ACACB: variants seen among roughly 807,000 people sequenced by gnomAD.
The protein encoded by ACACB is acetyl-CoA carboxylase 2.
ACACB carries 209 observed loss-of-function variants against 278.8 expected under a neutral mutation model. The observed-to-expected ratio is 0.75, with a 90% CI of 0.67 to 0.84. The LOEUF is 0.84. ACACB is among the 40% of genes least tolerant of loss of function. ACACB has a pLI of 0.00. For missense variants in ACACB, 2,850 were observed against 3,269.0 expected, an observed-to-expected ratio of 0.87 and a Z score of 3.13; for synonymous variants, 1,174 against 1,285.6, an observed-to-expected ratio of 0.91 and a Z score of 1.86.
rs756361518 is a variant in ACACB at position 109,241,051 on chromosome 12, A to C, written c.4819-27A>C. 1.9e-6 allele frequency: 3 copies of C among 1,608,980 alleles called. No homozygotes were observed. The African/African-American group carries it at 4.0e-5, about 21-fold the overall frequency. ...TGTCCTTGGGATGTCTTGGCCCTGA[A>C]ACTGGAATTGCTGTGTTTTGGGGCA... On this transcript the variant is annotated intron_variant, in intron 35 of 52. Transcript: ENST00000338432.
chr12:109,239,030 C>T (rs911729722), intron 34 of ACACB, among the ~76,000 whole-genome samples: 4 of 152,114 alleles, frequency 2.6e-5, no homozygotes, highest in African/African-American at 7.2e-5. Context: ...GATTCTCCTG[C>T]GTCAGCTTCC....
At chr12:109,243,153 A>G (rs1480739528) in intron 37 of ACACB, among the ~76,000 whole-genome samples, 2 of 152,184 alleles carry the variant, frequency 1.3e-5, no homozygotes, top group Non-Finnish European at 2.9e-5. Context: ...TCTGATGACA[A>G]ATTGCTTAAC....
At chr12:109,247,296 C>T (rs1484833678) in intron 39 of ACACB, among the ~76,000 whole-genome samples, 2 of 151,634 alleles carry the variant, frequency 1.3e-5, no homozygotes, top group African/African-American at 4.9e-5. Context: ...TAGTTTTTAA[C>T]ATATATACAT....
intron 16 of ACACB, 89 bp from the exon 17 acceptor site, chr12:109,196,919 A>G (rs1173883680): frequency 2.9e-6 from 4 of 1,397,708 alleles, no homozygotes; most frequent in African/African-American, 1.5e-5. Context: ...GTGGTGGACA[A>G]CCAGCTCTTG....
At chr12:109,248,182 A>T (rs1327166086) in intron 40 of ACACB, among the ~76,000 whole-genome samples, 1 of 152,176 alleles carries the variant, frequency 6.6e-6, no homozygotes, top group African/African-American at 2.4e-5. Context: ...GCTGGGGGGA[A>T]ATTCCATAGT....
intron 16 of ACACB, among the ~76,000 whole-genome samples, chr12:109,196,242 A>C (rs762737232): frequency 6.6e-6 from 1 of 152,176 alleles, no homozygotes; most frequent in Non-Finnish European, 1.5e-5. Context: ...GCTCCTGGGC[A>C]GAGCTGGGTC....
chr12:109,247,809 G>A (rs975160824), intron 40 of ACACB, 106 bp downstream of exon 40: 2 of 909,720 alleles, frequency 2.2e-6, no homozygotes, highest in Non-Finnish European at 3.5e-6. Flanking sequence ...GGTGGTGTTT[G>A]TATGATGGGA....
intron 48 of ACACB, among the ~76,000 whole-genome samples, chr12:109,261,880 C>CAAAAAAAAAAAAAA (rs757106164): frequency 1.2e-5 from 1 of 86,076 alleles, no homozygotes; most frequent in Non-Finnish European, 2.5e-5. Flanking sequence ...AAAAAAAAAA[C>CAAAAAAAAAAAAAA]AAAAAAAAAA....
Position 109,197,021 on chromosome 12 carries a change from C to T in ACACB, c.2495C>T (p.Ser832Phe), listed in dbSNP as rs1174190986. 2.0e-5 allele frequency: 32 copies of T among 1,569,966 alleles called. No individual in the cohort carries two copies. Among genetic ancestry groups the T allele is most frequent in the Non-Finnish European group, 2.8e-5 (32 of 1,162,928 alleles). Residue 832 changes from serine (S) to phenylalanine (F), a missense_variant, in exon 17 of 53, where the codon TCT (serine) becomes TTT (phenylalanine). By Grantham distance (155) the Ser-to-Phe change is radical. Coordinates refer to ENST00000338432, the MANE Select transcript of ACACB (RefSeq NM_001093.4). ...VKYILKVARQ[S>F]LTMFVLIMNG... ...TTGTCCCCACAGGTGGCCCGGCAGTCTCTGACCATGTTCGTTCTCATCATG... is the reference window on the plus strand; with the variant it reads ...TTGTCCCCACAGGTGGCCCGGCAGTTTCTGACCATGTTCGTTCTCATCATG...
At position 109,140,308 on chromosome 12, in the gene ACACB, T is replaced by A. The variant is rs140444909; in HGVS notation, c.653+250T>A. Among the ~76,000 whole-genome samples the A allele has an allele frequency of 9.5e-5, 13 of 137,510 alleles. 2 individuals carry two copies. In the East Asian group the frequency reaches 3.6e-3, roughly 38 times the overall value. The allele number at this position is 137,510 out of a possible 152,430, so 90.2% of individuals were successfully genotyped here. A position where few individuals can be genotyped will look rare whatever the true frequency, so the allele number is the denominator to read the frequency against. ...CTTCCTTCCTTCCTTCCTTCCTTCCTTCCTTCCTTCCTTCCTTCCTTCCTT... is the reference window on the plus strand; with the variant it reads ...CTTCCTTCCTTCCTTCCTTCCTTCCATCCTTCCTTCCTTCCTTCCTTCCTT... On this transcript the variant is annotated intron_variant, in intron 2 of 52. Coordinates refer to ENST00000338432, the MANE Select transcript of ACACB (RefSeq NM_001093.4).
chr12:109,265,474 G>T lies in ACACB; in HGVS notation c.7199G>T (p.Arg2400Leu). 6.2e-7 allele frequency: 1 copy of T among 1,613,554 alleles called. No homozygotes were observed. Residue 2400 changes from arginine to leucine, a missense_variant, in exon 52 of 53, where the codon CGT (arginine) becomes CTT (leucine). Arg to Leu is a moderately radical substitution (Grantham distance 102). Coordinates refer to ENST00000338432, the MANE Select transcript of ACACB (RefSeq NM_001093.4). The stretch of plus-strand genomic sequence containing the variant: ...GGGGATGGCCCGCGCTCCACCATCC[G>T]TGAGAACATCACGTACCTGAAGCAC... ...QAGDGPRSTI[R>L]ENITYLKHDS...
intron 35 of ACACB, among the ~76,000 whole-genome samples, chr12:109,240,584 A>G (rs1250034502): frequency 6.7e-6 from 1 of 148,200 alleles, no homozygotes; most frequent in African/African-American, 2.4e-5. Flanking sequence ...AAATATATAA[A>G]TGTATTTTAT....
chr12:109,260,205 G>C, intron 47 of ACACB: 2 of 1,410,364 alleles, frequency 1.4e-6, no homozygotes, highest in Non-Finnish European at 9.6e-7. Context: ...ACAGTCATGG[G>C]TGAGGGCATT....
At chr12:109,223,748 AAAC>A in intron 26 of ACACB, 64 bp from the exon 27 acceptor site, 1 of 1,479,604 alleles carries the variant, frequency 6.8e-7, no homozygotes, top group Non-Finnish European at 9.4e-7. Context: ...TCTCAAATAA[AAAC>A]AAAGAAAAAC....
chr12:109,248,490 G>T (rs185200916), intron 40 of ACACB, among the ~76,000 whole-genome samples: 27 of 146,560 alleles, frequency 1.8e-4, no homozygotes, highest in African/African-American at 5.6e-4. Flanking sequence ...GTGGCCAAAG[G>T]CCTGAGGGCC....
intron 16 of ACACB, 75 bp downstream of exon 16, chr12:109,193,804 TC>T: frequency 7.5e-7 from 1 of 1,330,696 alleles, no homozygotes; most frequent in Non-Finnish European, 1.1e-6. Flanking sequence ...CCATGAACCA[TC>T]CCTGGAGTGG....
intron 16 of ACACB, 29 bp downstream of exon 16, chr12:109,193,758 T>G (rs776433148): frequency 6.4e-7 from 1 of 1,557,938 alleles, no homozygotes; most frequent in Non-Finnish European, 8.9e-7. Context: ...CTCCGATGTC[T>G]CCAACACTCT....
chr12:109,173,702 C>G (rs1282429243), intron 6 of ACACB, among the ~76,000 whole-genome samples: 1 of 152,260 alleles, frequency 6.6e-6, no homozygotes, highest in Non-Finnish European at 1.5e-5. Flanking sequence ...TTTCACCCAA[C>G]ACTGGCAAAG....
chr12:109,131,873 T>A (rs1025540930), intron 1 of ACACB, among the ~76,000 whole-genome samples: 7 of 152,204 alleles, frequency 4.6e-5, no homozygotes, highest in African/African-American at 1.4e-4. Context: ...TCAAACTGCG[T>A]GATCGGTGCT....
Sources: allele counts gnomAD v4.1 joint callset (sites outside exome capture counted in the v4.1 genomes callset), GRCh38; gene constraint gnomAD v4.1.1; transcripts MANE v1.5; gene names NCBI Gene and HGNC (gene_info 2026-07-23, HGNC 2026-07-21).